Variants in GFRA3 observed in about 807,000 individuals in gnomAD.
The protein encoded by GFRA3 is GDNF family receptor alpha 3.
GFRA3 carries 24 observed loss-of-function variants against 40.0 expected under a neutral mutation model. That is an observed-to-expected ratio of 0.60 (90% confidence interval 0.43 to 0.84). The LOEUF is 0.84. GFRA3 is among the 40% of genes least tolerant of loss of function. The pLI is 0.00. For synonymous variants in GFRA3, 203 were observed against 213.5 expected (o/e 0.95, Z 0.43); for missense variants, 405 against 530.6 (o/e 0.76, Z 2.33).
chr5:138,260,876 C>T (rs1174806921), intron 2 of GFRA3, among the ~76,000 whole-genome samples: 1 of 151,442 alleles, frequency 6.6e-6, no homozygotes, highest in Admixed American at 6.6e-5. Context: ...AAAAATTTAG[C>T]TGGGTCCGGT....
chr5:138,266,567 G>C (rs1205459238), intron 1 of GFRA3, among the ~76,000 whole-genome samples: 1 of 152,222 alleles, frequency 6.6e-6, no homozygotes, highest in African/African-American at 2.4e-5. Context: ...ATACACTTGT[G>C]TAGCCAGAAT....
chr5:138,266,164 T>G (rs1453683495), intron 1 of GFRA3, among the ~76,000 whole-genome samples: 1 of 152,236 alleles, frequency 6.6e-6, no homozygotes, highest in Non-Finnish European at 1.5e-5. Context: ...GAACACCTGT[T>G]TTTTGTTCTT....
At position 138,253,351 on chromosome 5, in the gene GFRA3, C is replaced by T. The variant is rs775373726; in HGVS notation, c.1049G>A (p.Arg350His). 1.4e-5 allele frequency: 23 copies of T among 1,601,714 alleles called. No individual in the cohort carries two copies. The highest frequency in any genetic ancestry group is 4.0e-5 in the African/African-American group (3 of 74,762). Residue 350 changes from arginine (R) to histidine (H), a missense_variant, in exon 7 of 8, where the codon CGT becomes CAT. Arg to His is a conservative substitution (Grantham distance 29, BLOSUM62 0). Transcript: ENST00000274721. ...CTGGGAGAAGAGTTGGCTGTGAAAA[C>T]GCATCTTAGCTGCAATGGCCTCCGC... ...CLTEAIAAKM[R>H]FHSQLFSQDW...
intron 1 of GFRA3, chr5:138,267,279 C>T (rs1755800472): frequency 6.6e-6 from 1 of 150,660 alleles, no homozygotes; most frequent in South Asian, 2.1e-4. Context: ...GCAATCTCCG[C>T]CTCCTGGGTT....
Position 138,264,268 on chromosome 5 carries a change from G to A in GFRA3, c.372C>T (p.Arg124=). Residue 124 remains arginine, a synonymous_variant, in exon 2 of 8, where the codon CGC becomes CGT. Transcript: ENST00000274721. ...CTATAATGGGAGCCTCACCAAGGCT[G>A]CGGGCACGGTGAACGGTCCAATAGA... ...LDIYWTVHRA[R]SLGNYELDVS... 6.3e-7 allele frequency: 1 copy of A among 1,594,626 alleles called. No homozygotes were observed. The highest frequency in any genetic ancestry group is 8.6e-7 in the Non-Finnish European group (1 of 1,164,916).
At chr5:138,253,573 C>T (rs1034308932) in intron 6 of GFRA3, among the ~76,000 whole-genome samples, 193 bp downstream of exon 6, 2 of 152,114 alleles carry the variant, frequency 1.3e-5, no homozygotes, top group African/African-American at 4.8e-5. Flanking sequence ...GTTGAACAGG[C>T]AGCGTGGGAG....
At chr5:138,272,762 CT>C (rs1755894755) in intron 1 of GFRA3, among the ~76,000 whole-genome samples, 1 of 152,110 alleles carries the variant, frequency 6.6e-6, no homozygotes, top group Non-Finnish European at 1.5e-5. Context: ...CAAGTCATGC[CT>C]TTTCCAGCTT....
intron 1 of GFRA3, 151 bp downstream of exon 1, chr5:138,274,183 G>T: frequency 9.5e-7 from 1 of 1,049,578 alleles, no homozygotes; most frequent in East Asian, 3.1e-5. Flanking sequence ...CCCCTTGCAG[G>T]CACCCTGGGC....
rs1347303222 is a variant in GFRA3 at position 138,254,113 on chromosome 5, A to T, written c.833T>A (p.Leu278Gln). 2.5e-6 allele frequency: 4 copies of T among 1,612,466 alleles called. No individual in the cohort carries two copies. The African/African-American group carries it at 5.4e-5, about 22-fold the overall frequency. Residue 278 changes from leucine to glutamine, a missense_variant, in exon 5 of 8, where the codon CTA (leucine) becomes CAA (glutamine). Physicochemically the swap from Leu to Gln is moderately radical, Grantham distance 113. Coordinates refer to ENST00000274721, the MANE Select transcript of GFRA3 (RefSeq NM_001496.4). ...GGACTGCTCTGTTGCACAAGTTCCT[A>T]GGATGTCCATGGGATGGCAGTGGGT... ...FQTHCHPMDI[L>Q]GTCATEQSRC...
chr5:138,263,761 AG>A (rs1755743162), intron 2 of GFRA3, among the ~76,000 whole-genome samples: 1 of 152,166 alleles, frequency 6.6e-6, no homozygotes, highest in Non-Finnish European at 1.5e-5. Context: ...GTCCGGTAAA[AG>A]CTGACTAATA....
At position 138,254,186 on chromosome 5, in the gene GFRA3, T is replaced by C. The variant is rs1755594174; in HGVS notation, c.786-26A>G. The C allele has an allele frequency of 1.2e-5, 16 of 1,311,036 alleles. No individual in the cohort carries two copies. In the South Asian group the frequency reaches 1.9e-4, roughly 16 times the overall value. The allele number at this position is 1,311,036 out of a possible 1,614,324, so 81.2% of individuals were successfully genotyped here. A position where few individuals can be genotyped will look rare whatever the true frequency, so the allele number is the denominator to read the frequency against. On this transcript the variant is annotated intron_variant, in intron 4 of 7. Transcript: ENST00000274721. ...CTGGAAGAAGGGAAATTTCTGTCTTTCTTTTTTTTTTTTTTTTGAGATGAT... is the reference window on the plus strand; with the variant it reads ...CTGGAAGAAGGGAAATTTCTGTCTTCCTTTTTTTTTTTTTTTTGAGATGAT...
At chr5:138,264,618 G>A (rs1755756233) in intron 1 of GFRA3, 70 bp from the exon 2 acceptor site, 5 of 1,029,826 alleles carry the variant, frequency 4.9e-6, no homozygotes, top group Non-Finnish European at 7.2e-6. Flanking sequence ...AAGTCATGAG[G>A]TTGGGAGAGG....
intron 1 of GFRA3, among the ~76,000 whole-genome samples, chr5:138,271,913 T>TTTTTTTTTTTGTGTG (rs59830655): frequency 1.8e-5 from 1 of 54,332 alleles, no homozygotes; most frequent in African/African-American, 7.0e-5. Flanking sequence ...TTTTTTTTTT[T>TTTTTTTTTTTGTGTG]TGTGTGTGTG....
At chr5:138,266,576 A>C (rs1252095321) in intron 1 of GFRA3, among the ~76,000 whole-genome samples, 2 of 152,244 alleles carry the variant, frequency 1.3e-5, no homozygotes, top group Non-Finnish European at 1.5e-5. Flanking sequence ...TGTAGCCAGA[A>C]TCCAGATAAA....
At chr5:138,264,193 C>A (rs924887265) in intron 2 of GFRA3, 68 bp downstream of exon 2, 14 of 1,170,092 alleles carry the variant, frequency 1.2e-5, no homozygotes, top group Non-Finnish European at 1.7e-5. Flanking sequence ...CCATATCCTG[C>A]AGGATTAAAA....
At chr5:138,260,460 C>G (rs1173491553) in intron 2 of GFRA3, among the ~76,000 whole-genome samples, 3 of 152,152 alleles carry the variant, frequency 2.0e-5, no homozygotes, top group Non-Finnish European at 4.4e-5. Context: ...CATAACCTAG[C>G]AAATTCTTAC....
chr5:138,262,701 G>A (rs770595787), intron 2 of GFRA3, among the ~76,000 whole-genome samples: 9 of 152,024 alleles, frequency 5.9e-5, no homozygotes, highest in East Asian at 1.9e-4. Flanking sequence ...GGATACTCCC[G>A]CCTTGGCCTC....
intron 2 of GFRA3, among the ~76,000 whole-genome samples, chr5:138,263,544 T>C (rs941949045): frequency 1.3e-5 from 2 of 152,154 alleles, no homozygotes; most frequent in Non-Finnish European, 2.9e-5. Flanking sequence ...ACGTAGTGTA[T>C]ATAAGATTTG....
intron 3 of GFRA3, among the ~76,000 whole-genome samples, chr5:138,258,409 C>T (rs921103902): frequency 2.6e-5 from 4 of 151,762 alleles, no homozygotes; most frequent in African/African-American, 9.7e-5. Flanking sequence ...CTTGAACTCC[C>T]GACCTCAGGT....
Sources: allele counts gnomAD v4.1 joint callset (sites outside exome capture counted in the v4.1 genomes callset), GRCh38; gene constraint gnomAD v4.1.1; transcripts MANE v1.5; gene names NCBI Gene and HGNC (gene_info 2026-07-23, HGNC 2026-07-21).